Variants in REEP3 observed in about 807,000 individuals in gnomAD.
REEP3 encodes the protein receptor accessory protein 3, also known as receptor expression-enhancing protein 3.
A neutral mutation model predicts 41.3 loss-of-function variants in REEP3; 20 were observed. That is an observed-to-expected ratio of 0.48 (90% CI 0.34 to 0.70). REEP3 has a LOEUF of 0.70. Among genes scored for constraint, REEP3 ranks in the 30% least tolerant of loss-of-function variants. The pLI is 0.01. For synonymous variants in REEP3, 104 were observed against 101.8 expected (o/e 1.02, Z -0.13); for missense variants, 271 against 308.8 (o/e 0.88, Z 0.92).
chr10:63,542,137 T>C (rs1289201549), intron 1 of REEP3, among the ~76,000 whole-genome samples: 1 of 151,530 alleles, frequency 6.6e-6, no homozygotes, highest in Non-Finnish European at 1.5e-5. Flanking sequence ...TGGGGTGCAG[T>C]GGCATGATTT....
chr10:63,531,667 C>A (rs1273700160), intron 1 of REEP3, among the ~76,000 whole-genome samples: 1 of 152,138 alleles, frequency 6.6e-6, no homozygotes, highest in East Asian at 1.9e-4. Context: ...TACTGGGCAG[C>A]ATAAAAATAG....
intron 1 of REEP3, among the ~76,000 whole-genome samples, chr10:63,524,504 C>T (rs1326108305): frequency 6.6e-6 from 1 of 151,896 alleles, no homozygotes; most frequent in Non-Finnish European, 1.5e-5. Flanking sequence ...GTGGTGTGAT[C>T]TCAACTCACT....
intron 2 of REEP3, among the ~76,000 whole-genome samples, chr10:63,594,281 G>A (rs563684072): frequency 6.6e-6 from 1 of 151,742 alleles, no homozygotes; most frequent in South Asian, 2.1e-4. Flanking sequence ...CCAGCTACTC[G>A]GGCAGCTGAG....
At chr10:63,576,831 G>A (rs1955902749) in intron 2 of REEP3, among the ~76,000 whole-genome samples, 1 of 152,158 alleles carries the variant, frequency 6.6e-6, no homozygotes, top group African/African-American at 2.4e-5. Context: ...GTGTGCACAT[G>A]GAGAGAAATA....
intron 2 of REEP3, among the ~76,000 whole-genome samples, chr10:63,573,423 T>C (rs534574395): frequency 6.6e-6 from 1 of 152,350 alleles, no homozygotes; most frequent in African/African-American, 2.4e-5. Context: ...GTAATTGCTG[T>C]AGCTTTTCTA....
rs775150176 is a variant in REEP3, at chr10:63,623,547, T to C, written c.*2678T>C. The C allele has an allele frequency of 2.0e-5, 3 of 152,436 alleles. No homozygotes were observed. Among genetic ancestry groups the C allele is most frequent in the Admixed American group, 6.5e-5 (1 of 15,296 alleles). 9.4% of individuals were successfully genotyped at this position (152,436 alleles called of 1,614,324 possible). A position where few individuals can be genotyped will look rare whatever the true frequency, so the allele number is the denominator to read the frequency against. On this transcript the variant is annotated 3_prime_UTR_variant, in exon 8 of 8. Transcript: ENST00000373758. ...TATACAGAAATTGCAGCTGGTATTT[T>C]ATTTTGCTGTACATTTACTCAACTT... is the stretch of plus-strand genomic sequence containing the variant.
chr10:63,541,506 A>C (rs912339031), intron 1 of REEP3, among the ~76,000 whole-genome samples: 4 of 152,210 alleles, frequency 2.6e-5, no homozygotes, highest in Admixed American at 2.6e-4. Flanking sequence ...TAGGACAAAA[A>C]CAAAGTGGTA....
chr10:63,616,153 T>C (rs572242804), intron 6 of REEP3, among the ~76,000 whole-genome samples: 3 of 152,148 alleles, frequency 2.0e-5, no homozygotes, highest in Non-Finnish European at 4.4e-5. Flanking sequence ...TCCCCAGCCT[T>C]GTTCTCCCAC....
At position 63,625,066 on chromosome 10, in the gene REEP3, A is replaced by C. The variant is rs1260739879; in HGVS notation, c.*4197A>C. On this transcript the variant is annotated 3_prime_UTR_variant, in exon 8 of 8. Transcript: ENST00000373758. ...TGGAATTATTTTCATTTTCATTATG[A>C]GGTATATACTTGTAATGATCTAAAG... is the stretch of plus-strand genomic sequence containing the variant. The C allele has an allele frequency of 6.6e-6, 1 of 152,156 alleles. No individual in the cohort carries two copies. Among genetic ancestry groups the C allele is most frequent in the Non-Finnish European group, 1.5e-5 (1 of 67,992 alleles). 9.4% of individuals were successfully genotyped at this position (152,156 alleles called of 1,614,324 possible).
chr10:63,575,010 C>T (rs1329879352), intron 2 of REEP3, among the ~76,000 whole-genome samples: 1 of 151,856 alleles, frequency 6.6e-6, no homozygotes, highest in Non-Finnish European at 1.5e-5. Context: ...GCATGCGCCA[C>T]CATGCCTGGC....
intron 3 of REEP3, among the ~76,000 whole-genome samples, chr10:63,596,716 C>T (rs1956118318): frequency 6.6e-6 from 1 of 152,316 alleles, no homozygotes; most frequent in East Asian, 1.9e-4. Context: ...ATTTCTTGCT[C>T]AAGCTACATG....
At chr10:63,537,101 T>G (rs1955481642) in intron 1 of REEP3, among the ~76,000 whole-genome samples, 1 of 152,212 alleles carries the variant, frequency 6.6e-6, no homozygotes, top group African/African-American at 2.4e-5. Context: ...TGAAAAATAA[T>G]AGTTTACGTG....
At position 63,619,807 on chromosome 10, in the gene REEP3, T is replaced by TA; in HGVS notation, c.711+9dup. 3.7e-6 allele frequency: 6 copies of TA among 1,603,492 alleles called. No individual in the cohort carries two copies. Among genetic ancestry groups the TA allele is most frequent in the Non-Finnish European group, 5.1e-6 (6 of 1,174,730 alleles). ...CACCAAAGGCCGCAAAGAGGTTGGT[T>TA]AAGTGTAGAGCTGTTTTCCTAATGA... On this transcript the variant is annotated splice_region_variant and intron_variant, in intron 7 of 7. Transcript: ENST00000373758.
At chr10:63,541,921 A>AT (rs1223673914) in intron 1 of REEP3, among the ~76,000 whole-genome samples, 1 of 152,162 alleles carries the variant, frequency 6.6e-6, no homozygotes, top group Admixed American at 6.5e-5. Context: ...ACATTTTTCC[A>AT]TTTTTATGCA....
At chr10:63,548,413 T>C (rs1955597927) in intron 1 of REEP3, among the ~76,000 whole-genome samples, 1 of 152,156 alleles carries the variant, frequency 6.6e-6, no homozygotes, top group African/African-American at 2.4e-5. Context: ...AAAAAAAATC[T>C]ATTCTTGAAC....
At chr10:63,583,913 G>A (rs1187330831) in intron 2 of REEP3, among the ~76,000 whole-genome samples, 3 of 152,128 alleles carry the variant, frequency 2.0e-5, no homozygotes, top group African/African-American at 7.2e-5. Context: ...TTCTGCTCCT[G>A]GGAACAGTTC....
At chr10:63,580,753 T>C (rs1955946284) in intron 2 of REEP3, among the ~76,000 whole-genome samples, 1 of 152,196 alleles carries the variant, frequency 6.6e-6, no homozygotes, top group South Asian at 2.1e-4. Flanking sequence ...GCACAATGGC[T>C]CATGCCCGTA....
intron 1 of REEP3, among the ~76,000 whole-genome samples, chr10:63,553,325 G>A (rs1016948544): frequency 2.6e-5 from 4 of 151,956 alleles, no homozygotes; most frequent in Admixed American, 6.6e-5. Context: ...GAATGTTTTG[G>A]TTTCCAAATC....
chr10:63,614,923 G>T (rs907496084), intron 6 of REEP3, among the ~76,000 whole-genome samples: 3 of 152,186 alleles, frequency 2.0e-5, no homozygotes, highest in African/African-American at 7.2e-5. Flanking sequence ...GTTCAAAGAT[G>T]TATTTACAAG....
Sources: gnomAD v4.1 joint callset for allele counts (sites outside exome capture counted in the v4.1 genomes callset) on GRCh38, gnomAD v4.1.1 for gene constraint, MANE v1.5 for transcripts, NCBI Gene and HGNC (gene_info 2026-07-23, HGNC 2026-07-21) for gene names.